FILIP1: variants seen among roughly 807,000 people sequenced by gnomAD.
FILIP1 encodes the protein filamin A interacting protein 1.
In FILIP1, 61 loss-of-function variants were observed where a neutral mutation model predicts 102.1. The ratio of observed to expected loss-of-function variants is 0.60; its 90% confidence interval spans 0.49 to 0.74. FILIP1 has a LOEUF of 0.74. Among genes scored for constraint, FILIP1 ranks in the 30% least tolerant of loss-of-function variants. The pLI is 0.00. For missense variants in FILIP1, 1,314 were observed against 1,441.2 expected (o/e 0.91, Z 1.43); for synonymous variants, 491 against 526.9 (o/e 0.93, Z 0.93).
chr6:75,459,807 C>T (rs1047670879), intron 1 of FILIP1, among the ~76,000 whole-genome samples: 1 of 152,210 alleles, frequency 6.6e-6, no homozygotes, highest in Non-Finnish European at 1.5e-5. Flanking sequence ...ACACACTTTG[C>T]ATTCCCAAGA....
intron 2 of FILIP1, among the ~76,000 whole-genome samples, chr6:75,393,555 T>C (rs1776355656): frequency 6.6e-6 from 1 of 152,148 alleles, no homozygotes; most frequent in African/African-American, 2.4e-5. Flanking sequence ...TAAAACAATA[T>C]GGTACCAGAG....
At chr6:75,486,002 C>CAA (rs1779778822) in intron 1 of FILIP1, among the ~76,000 whole-genome samples, 4 of 149,102 alleles carry the variant, frequency 2.7e-5, no homozygotes, top group Non-Finnish European at 6.0e-5. Flanking sequence ...CACACATACA[C>CAA]ACACACACAC....
At position 75,387,401 on chromosome 6, in the gene FILIP1, C is replaced by T. The variant is rs112979109; in HGVS notation, c.277-24484G>A. On this transcript the variant is annotated intron_variant, in intron 2 of 5. Coordinates refer to ENST00000237172, the MANE Select transcript of FILIP1 (RefSeq NM_015687.5). ...AATGATTTATAATCCTTTGGGTATA[C>T]ACCCAGTAATGGCATTGCTGGGTCA... is the stretch of plus-strand genomic sequence containing the variant. Among the ~76,000 whole-genome samples, 419 of 152,236 alleles carry T rather than the reference C, an allele frequency of 2.8e-3. 1 individual carries two copies. The highest frequency in any genetic ancestry group is 9.7e-3 in the African/African-American group (402 of 41,540).
chr6:75,295,732 A>G, exon 7 of FILIP1: 1 of 401,746 alleles, frequency 2.5e-6, no homozygotes, highest in Non-Finnish European at 4.3e-6. Context: ...TTTTCATATT[A>G]TCAGCAAGGC....
intron 1 of FILIP1, among the ~76,000 whole-genome samples, chr6:75,447,942 G>A (rs1252105436): frequency 6.6e-6 from 1 of 151,890 alleles, no homozygotes; most frequent in East Asian, 1.9e-4. Flanking sequence ...ATTTCTTCAG[G>A]ATTCTTCATT....
rs67512057 is a variant in FILIP1 at position 75,406,662 on chromosome 6, T to TC, written c.276+8034_276+8035insG. Among the ~76,000 whole-genome samples the TC allele has an allele frequency of 1.3e-3, 23 of 17,184 alleles. No individual in the cohort carries two copies. In the Middle Eastern group the frequency reaches 0.12, roughly 86 times the overall value. 11.3% of individuals were successfully genotyped at this position (17,184 alleles called of 152,430 possible). On this transcript the variant is annotated intron_variant, in intron 2 of 5. Transcript: ENST00000237172. ...CAAATCTCTCGAATAGCAATGTTTC[T>TC]TTTTTTTTTTTTTTTCAGACGGAGT... is the stretch of plus-strand genomic sequence containing the variant.
At chr6:75,460,629 C>A (rs1478888483) in intron 1 of FILIP1, among the ~76,000 whole-genome samples, 1 of 152,036 alleles carries the variant, frequency 6.6e-6, no homozygotes, top group Non-Finnish European at 1.5e-5. Context: ...TCTTCTGAGG[C>A]TTGATTTAAT....
intron 4 of FILIP1, among the ~76,000 whole-genome samples, chr6:75,345,353 C>CTT (rs780956324): frequency 7.1e-5 from 10 of 140,816 alleles, no homozygotes; most frequent in African/African-American, 1.3e-4. Context: ...GCCCCCAAAT[C>CTT]TTTTTTTTTT....
At chr6:75,342,523 A>G (rs1205099009) in intron 4 of FILIP1, among the ~76,000 whole-genome samples, 2 of 152,226 alleles carry the variant, frequency 1.3e-5, no homozygotes, top group African/African-American at 4.8e-5. Flanking sequence ...GGGTATGCTC[A>G]CCCAAGCCTA....
intron 1 of FILIP1, among the ~76,000 whole-genome samples, chr6:75,490,235 AG>A (rs1779917109): frequency 6.6e-6 from 1 of 152,132 alleles, no homozygotes; most frequent in Admixed American, 6.6e-5. Context: ...AAAATTCCAT[AG>A]GGTTTCTTAC....
Position 75,313,645 on chromosome 6 carries a change from C to A in FILIP1, c.2187G>T (p.Glu729Asp), listed in dbSNP as rs746259489. Residue 729 changes from glutamate (E) to aspartate (D), a missense_variant, in exon 5 of 6, where the codon GAG (glutamate) becomes GAT (aspartate). This residue lies in a region of FILIP1 where 816 missense variants were observed against 913.1 expected (regional missense o/e 0.89). Transcript: ENST00000237172. The surrounding 1 kb of genome is among the most constrained non-coding windows in gnomAD (Gnocchi z 4.2). ...DLKAEVQALK[E>D]KIHELMNKED... ...CTTTGTTCATTAATTCGTGAATCTT[C>A]TCTTTAAGAGCTTGTACTTCGGCTT... is the stretch of plus-strand genomic sequence containing the variant. 2 of 1,594,730 alleles carry A rather than the reference C, an allele frequency of 1.3e-6. No homozygotes were observed. Among genetic ancestry groups the A allele is most frequent in the Non-Finnish European group, 8.5e-7 (1 of 1,173,700 alleles).
At chr6:75,371,901 C>T (rs1388130550) in intron 2 of FILIP1, among the ~76,000 whole-genome samples, 1 of 152,136 alleles carries the variant, frequency 6.6e-6, no homozygotes, top group Non-Finnish European at 1.5e-5. Context: ...TTGGATATAG[C>T]ACTTATTTCT....
chr6:75,392,090 A>G (rs1185088036), intron 2 of FILIP1, among the ~76,000 whole-genome samples: 2 of 152,046 alleles, frequency 1.3e-5, no homozygotes, highest in African/African-American at 4.8e-5. Context: ...AAGATGCCCT[A>G]CTTGCTGATT....
intron 1 of FILIP1, among the ~76,000 whole-genome samples, chr6:75,419,426 A>T (rs193159050): frequency 6.6e-6 from 1 of 152,230 alleles, no homozygotes; most frequent in African/African-American, 2.4e-5. Flanking sequence ...ATTTTCAAGA[A>T]CCTACCTAGT....
chr6:75,316,572 G>A (rs894014509), intron 4 of FILIP1, among the ~76,000 whole-genome samples: 6 of 152,034 alleles, frequency 3.9e-5, no homozygotes, highest in Non-Finnish European at 8.8e-5. Flanking sequence ...CACAATAGAA[G>A]CTATTAATAA....
chr6:75,443,538 A>C (rs74689259), intron 1 of FILIP1, among the ~76,000 whole-genome samples: 3,647 of 152,274 alleles, frequency 0.024, 116 homozygotes, highest in African/African-American at 0.081. Flanking sequence ...AAAATAATGG[A>C]ATTGTACCTC....
At chr6:75,442,123 G>GAA (rs1778281009) in intron 1 of FILIP1, among the ~76,000 whole-genome samples, 1 of 152,074 alleles carries the variant, frequency 6.6e-6, no homozygotes, top group Non-Finnish European at 1.5e-5. Context: ...ATGGGGCGGC[G>GAA]GAGCAGAGGC....
Position 75,414,723 on chromosome 6 carries a change from G to A in FILIP1, c.250C>T (p.Leu84Phe). ...TGCAACTCCCCTTCCATTATACTGAGTAGTTGGATGAGGTCTTCTTTGGAT... is the reference window on the plus strand; with the variant it reads ...TGCAACTCCCCTTCCATTATACTGAATAGTTGGATGAGGTCTTCTTTGGAT... ...ELSKEDLIQLLSIMEGELQAR... is the reference protein window; with the variant it reads ...ELSKEDLIQLFSIMEGELQAR... The change falls in exon 2 of 6, where the codon CTC (leucine) becomes TTC (phenylalanine). Residue 84 changes from leucine to phenylalanine, a missense_variant. By Grantham distance (22) the Leu-to-Phe change is conservative. This residue lies in a region of FILIP1 where 494 missense variants were observed against 511.2 expected (regional missense o/e 0.97). Coordinates refer to ENST00000237172, the MANE Select transcript of FILIP1 (RefSeq NM_015687.5). 1 of 1,613,728 alleles carries A rather than the reference G, an allele frequency of 6.2e-7. No homozygotes were observed. Among genetic ancestry groups the A allele is most frequent in the Non-Finnish European group, 8.5e-7 (1 of 1,179,750 alleles).
chr6:75,473,691 G>A (rs1779395437), intron 1 of FILIP1: 1 of 152,086 alleles, frequency 6.6e-6, no homozygotes, highest in South Asian at 2.1e-4. Context: ...GTTTTATTTG[G>A]GACAACGTAT....
Sources: gnomAD v4.1 joint callset for allele counts (sites outside exome capture counted in the v4.1 genomes callset) on GRCh38, gnomAD v4.1.1 for gene constraint, gnomAD v4.1.1 regional missense constraint, Gnocchi (gnomAD v3.1) non-coding constraint, MANE v1.5 for transcripts, NCBI Gene and HGNC (gene_info 2026-07-23, HGNC 2026-07-21) for gene names.